Variants in AFF2 observed in about 807,000 individuals in gnomAD.
The protein encoded by AFF2 is AF4/FMR2 family member 2.
A neutral mutation model predicts 76.9 loss-of-function variants in AFF2; 14 were observed. The ratio of observed to expected loss-of-function variants is 0.18; its 90% CI spans 0.12 to 0.28. The LOEUF is 0.28. Among genes scored for constraint, AFF2 ranks in the 10% least tolerant of loss-of-function variants. AFF2 has a pLI of 1.00. For synonymous variants in AFF2, 398 were observed against 366.7 expected (o/e 1.09, Z -0.98); for missense variants, 868 against 1,001.1 (o/e 0.87, Z 1.79).
intron 3 of AFF2, among the ~76,000 whole-genome samples, chrX:148,668,175 C>G (rs1557258693): frequency 1.8e-5 from 2 of 113,344 alleles, no homozygotes. Context: ...GACTCCATGT[C>G]TCACATCCAG....
At chrX:148,876,235 A>G (rs1346548876) in intron 7 of AFF2, among the ~76,000 whole-genome samples, 2 of 111,893 alleles carry the variant, frequency 1.8e-5, no homozygotes, top group African/African-American at 6.5e-5. Flanking sequence ...TTTAATAGTT[A>G]TAGCAATTCT....
chrX:148,560,471 G>T (rs1557240418), intron 1 of AFF2, among the ~76,000 whole-genome samples: 1 of 112,028 alleles, frequency 8.9e-6, no homozygotes, highest in Non-Finnish European at 1.9e-5. Flanking sequence ...ACATAGACAT[G>T]GGCAAAGACT....
At chrX:148,714,619 A>G (rs1301567233) in intron 3 of AFF2, among the ~76,000 whole-genome samples, 4 of 111,403 alleles carry the variant, frequency 3.6e-5, no homozygotes, top group Admixed American at 9.6e-5. Context: ...AGTGTCTTCA[A>G]TTGAACAAGT....
In AFF2 at chrX:148,955,787, C is replaced by G. The variant is rs2072027617; in HGVS notation, c.1742C>G (p.Ala581Gly). Reference sequence around the variant, plus strand: ...AAGACGAATGCCAGTCAGGTCCCAGCTGAACCCAAAGAAAGGCCTCTCCTC... The same window carrying G: ...AAGACGAATGCCAGTCAGGTCCCAGGTGAACCCAAAGAAAGGCCTCTCCTC... ...KVKTNASQVP[A>G]EPKERPLLSL... Residue 581 changes from alanine (A) to glycine (G), a missense_variant, in exon 11 of 21, where the codon GCT becomes GGT. Ala to Gly is a moderately conservative substitution (Grantham distance 60, BLOSUM62 0). Coordinates refer to ENST00000370460, the MANE Select transcript of AFF2 (RefSeq NM_002025.4). 8.3e-7 allele frequency: 1 copy of G among 1,211,632 alleles called. No homozygotes were observed. Among genetic ancestry groups the G allele is most frequent in the African/African-American group, 1.7e-5 (1 of 57,775 alleles).
At chrX:148,931,133 G>A (rs151097945) in intron 9 of AFF2, among the ~76,000 whole-genome samples, 5,156 of 105,397 alleles carry the variant, frequency 0.049, 311 homozygotes, top group African/African-American at 0.17. Context: ...ACACGCCTGT[G>A]GTCCCAGCTA....
At chrX:148,687,432 G>A (rs2054611073) in intron 3 of AFF2, among the ~76,000 whole-genome samples, 1 of 111,795 alleles carries the variant, frequency 8.9e-6, no homozygotes, top group South Asian at 3.7e-4. Flanking sequence ...ATATCAATGT[G>A]TTGATTTGGT....
intron 3 of AFF2, among the ~76,000 whole-genome samples, chrX:148,677,405 A>G (rs184083771): frequency 8.9e-6 from 1 of 112,096 alleles, no homozygotes; most frequent in East Asian, 2.8e-4. Context: ...CTTATGCTTC[A>G]TTGAAAGATT....
At chrX:148,718,941 G>A (rs1217993792) in intron 3 of AFF2, 2 of 466,088 alleles carry the variant, frequency 4.3e-6, no homozygotes, top group Non-Finnish European at 6.7e-6. Flanking sequence ...TTGATAGTTT[G>A]AGTATTCAGG....
chrX:148,748,699 C>T (rs1557266262), intron 3 of AFF2, among the ~76,000 whole-genome samples: 1 of 111,429 alleles, frequency 9.0e-6, no homozygotes, highest in African/African-American at 3.3e-5. Flanking sequence ...AGAGAGCACC[C>T]TGGCCAGCAT....
chrX:148,724,091 CAA>C (rs1557264052), intron 3 of AFF2, among the ~76,000 whole-genome samples: 4 of 109,456 alleles, frequency 3.7e-5, no homozygotes, highest in Non-Finnish European at 5.7e-5. Context: ...TCCTAGCAAA[CAA>C]AAGACTGTCA....
At chrX:148,975,929 G>A (rs1408453041) in intron 16 of AFF2, among the ~76,000 whole-genome samples, 1 of 23,943 alleles carries the variant, frequency 4.2e-5, no homozygotes, top group Non-Finnish European at 1.4e-4. Context: ...GGGCGACAGA[G>A]CGAGACTCCG....
At chrX:148,837,760 TG>T in intron 5 of AFF2, 27 bp downstream of exon 5, 3 of 1,054,734 alleles carry the variant, frequency 2.8e-6, no homozygotes, top group Non-Finnish European at 3.9e-6. Flanking sequence ...CCTGCATTTT[TG>T]TTTGTCTTAT....
At chrX:148,691,239 G>T (rs1166338882) in intron 3 of AFF2, among the ~76,000 whole-genome samples, 1 of 112,239 alleles carries the variant, frequency 8.9e-6, no homozygotes, top group East Asian at 2.8e-4. Flanking sequence ...GCCTAGAACA[G>T]TGGTAGTGTG....
chrX:148,567,346 G>A (rs1205038222), intron 1 of AFF2, among the ~76,000 whole-genome samples: 1 of 111,339 alleles, frequency 9.0e-6, no homozygotes, highest in Non-Finnish European at 1.9e-5. Context: ...AGCAATTCCT[G>A]AGCAAATGTG....
chrX:148,773,717 A>AGAAAGAAAGAAAGAAAGAAG (rs2069627912), intron 3 of AFF2, among the ~76,000 whole-genome samples: 4 of 100,740 alleles, frequency 4.0e-5, no homozygotes, highest in Middle Eastern at 4.8e-3. Context: ...AAAGAAAGAA[A>AGAAAGAAAGAAAGAAAGAAG]GAAAGAAAGA....
Position 148,520,094 on chromosome X carries a change from G to C in AFF2, c.47+18950G>C, listed in dbSNP as rs1381832674. On this transcript the variant is annotated intron_variant, in intron 1 of 20. Coordinates refer to ENST00000370460, the MANE Select transcript of AFF2 (RefSeq NM_002025.4). ...TTAATGTCCAAGATGGACACACCCAGCTGTATTCTGGGCCTGCTGCTTGTC... is the reference window on the plus strand; with the variant it reads ...TTAATGTCCAAGATGGACACACCCACCTGTATTCTGGGCCTGCTGCTTGTC... Among the ~76,000 whole-genome samples, 3 of 111,511 alleles carry C rather than the reference G, an allele frequency of 2.7e-5. No homozygotes were observed. The East Asian group carries it at 8.5e-4, about 31-fold the overall frequency.
At chrX:148,564,694 T>C (rs782104204) in intron 1 of AFF2, among the ~76,000 whole-genome samples, 3 of 111,523 alleles carry the variant, frequency 2.7e-5, no homozygotes, top group Non-Finnish European at 3.8e-5. Flanking sequence ...TATCCTTCAG[T>C]GCTCAGCTCA....
rs1324947797 is a variant in AFF2 at position 148,999,057 on chromosome X, T to C, written c.*7725T>C. 1.8e-5 allele frequency: 2 copies of C among 111,637 alleles called. No homozygotes were observed. The highest frequency in any genetic ancestry group is 6.5e-5 in the African/African-American group (2 of 30,652). The allele number at this position is 111,637 out of a possible 1,213,427, so 9.2% of individuals were successfully genotyped here. ...CCCTTTCACACCCCACAGTGATAAA[T>C]GAAAAGGATAGAGGTAGTTTTTTCA... On this transcript the variant is annotated 3_prime_UTR_variant, in exon 21 of 21. Transcript: ENST00000370460.
At chrX:148,795,644 T>C (rs1253681414) in intron 3 of AFF2, among the ~76,000 whole-genome samples, 2 of 98,870 alleles carry the variant, frequency 2.0e-5, no homozygotes, top group African/African-American at 7.4e-5. Flanking sequence ...CTACTAATAA[T>C]ACAAAAAAAT....
Sources: gnomAD v4.1 joint callset for allele counts (sites outside exome capture counted in the v4.1 genomes callset) on GRCh38, gnomAD v4.1.1 for gene constraint, MANE v1.5 for transcripts, NCBI Gene and HGNC (gene_info 2026-07-23, HGNC 2026-07-21) for gene names.